The following CNTNAP4 variants were observed in gnomAD, a reference collection of about 807,000 sequenced individuals.
CNTNAP4 encodes contactin-associated protein-like 4.
In CNTNAP4, 98 loss-of-function variants were observed where a neutral mutation model predicts 148.4. The ratio of observed to expected loss-of-function variants is 0.66; its 90% CI spans 0.56 to 0.78. The LOEUF (loss-of-function observed/expected upper bound fraction) is 0.78, where lower values mean the gene tolerates loss of function less well. Among genes scored for constraint, CNTNAP4 ranks in the 30% least tolerant of loss-of-function variants. The pLI is 0.00. For synonymous variants in CNTNAP4, 730 were observed against 565.1 expected, an observed-to-expected ratio of 1.29 and a Z score of -4.14; for missense variants, 1,935 against 1,565.6, an observed-to-expected ratio of 1.24 and a Z score of -3.98.
chr16:76,454,923 A>G (rs6564341), intron 8 of CNTNAP4, among the ~76,000 whole-genome samples: 2,975 of 152,282 alleles, frequency 0.02, 103 homozygotes, highest in African/African-American at 0.068. Flanking sequence ...TCAACATTTT[A>G]ATATATTTTA....
intron 3 of CNTNAP4, among the ~76,000 whole-genome samples, chr16:76,369,938 C>T (rs769232734): frequency 6.6e-6 from 1 of 152,090 alleles, no homozygotes; most frequent in Admixed American, 6.6e-5. Context: ...TTATATCTGC[C>T]TACAATGGTG....
At chr16:76,348,896 T>C (rs1056065756) in intron 2 of CNTNAP4, among the ~76,000 whole-genome samples, 1 of 152,080 alleles carries the variant, frequency 6.6e-6, no homozygotes, top group African/African-American at 2.4e-5. Context: ...AAGTTTTTTT[T>C]CTTTTAAAAT....
intron 18 of CNTNAP4, 47 bp from the exon 19 acceptor site, chr16:76,538,069 C>G (rs753155508): frequency 2.3e-5 from 20 of 866,918 alleles, no homozygotes; most frequent in South Asian, 1.8e-4. Flanking sequence ...AAACAAAATC[C>G]TTGTACTTAA....
At chr16:76,326,742 T>C (rs1159253249) in intron 2 of CNTNAP4, among the ~76,000 whole-genome samples, 3 of 139,024 alleles carry the variant, frequency 2.2e-5, no homozygotes, top group Admixed American at 8.0e-5. Flanking sequence ...AGGTGGGAAT[T>C]GAACAATGAG....
chr16:76,499,865 C>G (rs529124815), intron 15 of CNTNAP4, among the ~76,000 whole-genome samples: 37 of 152,022 alleles, frequency 2.4e-4, no homozygotes, highest in African/African-American at 7.5e-4. Context: ...TCAGAGAGCA[C>G]GGGGTTGGGG....
rs569826902 is a variant in CNTNAP4, at chr16:76,463,728, A to G, written c.1483+1623A>G. ...ACCCATGTGTCTCTCTGCTAAAGAA[A>G]GATGATCAATGCATGTCTGTCCCTT... On this transcript the variant is annotated intron_variant, in intron 9 of 23. Transcript: ENST00000611870. 3.6e-3 allele frequency among the ~76,000 whole-genome samples: 549 copies of G among 152,312 alleles called. 3 individuals are homozygous for G. The highest frequency in any genetic ancestry group is 0.013 in the African/African-American group (520 of 41,574).
At chr16:76,292,285 T>C (rs1392735773) in intron 1 of CNTNAP4, among the ~76,000 whole-genome samples, 1 of 152,210 alleles carries the variant, frequency 6.6e-6, no homozygotes, top group Admixed American at 6.5e-5. Context: ...CTCAAGAATT[T>C]ATGGCACTTA....
chr16:76,539,999 A>T lies in CNTNAP4; in HGVS notation c.3354+147A>T, dbSNP rs145462193. ...ATAATAGACCTCAAATGTAGTCAGGATTCTTTTAAGCAATAAGATTTTGTT... is the reference window on the plus strand; with the variant it reads ...ATAATAGACCTCAAATGTAGTCAGGTTTCTTTTAAGCAATAAGATTTTGTT... On this transcript the variant is annotated intron_variant, in intron 20 of 23. Coordinates refer to ENST00000611870, the MANE Select transcript of CNTNAP4 (RefSeq NM_033401.5). 8.4e-4 allele frequency: 501 copies of T among 598,678 alleles called. 4 individuals carry two copies. The African/African-American group carries it at 8.8e-3, about 11-fold the overall frequency. 37.1% of individuals were successfully genotyped at this position (598,678 alleles called of 1,614,324 possible).
chr16:76,420,476 C>G (rs531087150), intron 3 of CNTNAP4, among the ~76,000 whole-genome samples: 1 of 152,080 alleles, frequency 6.6e-6, no homozygotes, highest in East Asian at 1.9e-4. Flanking sequence ...TAATTCCCCA[C>G]AGATTGGAAA....
chr16:76,408,720 G>A (rs1218637840), intron 3 of CNTNAP4, among the ~76,000 whole-genome samples: 2 of 151,980 alleles, frequency 1.3e-5, no homozygotes, highest in Admixed American at 6.6e-5. Context: ...ATTTTCAATA[G>A]TTAACTGGAA....
chr16:76,469,746 G>T (rs1034064123), intron 10 of CNTNAP4, among the ~76,000 whole-genome samples: 1 of 152,102 alleles, frequency 6.6e-6, no homozygotes, highest in African/African-American at 2.4e-5. Context: ...GAAATAGTTA[G>T]CAAATTATGG....
intron 12 of CNTNAP4, among the ~76,000 whole-genome samples, chr16:76,482,131 A>G (rs534299850): frequency 1.3e-5 from 2 of 152,130 alleles, no homozygotes; most frequent in African/African-American, 2.4e-5. Context: ...GCATGGGTGG[A>G]AAAGAGTGAT....
At position 76,445,330 on chromosome 16, in the gene CNTNAP4, C is replaced by G. The variant is rs540170406; in HGVS notation, c.539-2682C>G. Among the ~76,000 whole-genome samples the G allele has an allele frequency of 1.6e-4, 25 of 152,206 alleles. No homozygotes were observed. The South Asian group carries it at 4.6e-3, about 28-fold the overall frequency. On this transcript the variant is annotated intron_variant, in intron 4 of 23. Transcript: ENST00000611870. ...TTTTATGAACTTAGTTGTTTACTTG[C>G]TAAATATTGTCTGTCTTCACTAAAT...
intron 3 of CNTNAP4, among the ~76,000 whole-genome samples, chr16:76,382,749 A>T (rs918382646): frequency 6.6e-6 from 1 of 152,208 alleles, no homozygotes; most frequent in African/African-American, 2.4e-5. Context: ...GACTGAGGGC[A>T]CTAAATACCA....
intron 15 of CNTNAP4, among the ~76,000 whole-genome samples, chr16:76,499,545 T>C (rs1050870753): frequency 6.6e-6 from 1 of 151,738 alleles, no homozygotes; most frequent in Non-Finnish European, 1.5e-5. Flanking sequence ...AAGTTCTTTT[T>C]TATTTATTTA....
intron 15 of CNTNAP4, among the ~76,000 whole-genome samples, chr16:76,512,485 A>G (rs1162829392): frequency 6.6e-6 from 1 of 152,178 alleles, no homozygotes; most frequent in African/African-American, 2.4e-5. Flanking sequence ...CAAAAATAAC[A>G]CCAAGGTGTT....
At chr16:76,344,835 C>T (rs562905100) in intron 2 of CNTNAP4, among the ~76,000 whole-genome samples, 110 of 152,260 alleles carry the variant, frequency 7.2e-4, no homozygotes, top group Non-Finnish European at 1.3e-3. Flanking sequence ...TTTCTGATTT[C>T]CTAACCTTCT....
intron 3 of CNTNAP4, among the ~76,000 whole-genome samples, chr16:76,362,290 A>G (rs886275088): frequency 2.6e-4 from 39 of 152,338 alleles, no homozygotes; most frequent in African/African-American, 9.4e-4. Flanking sequence ...GTGTTCATGG[A>G]TTAGAAGACT....
rs2084412957 is a variant in CNTNAP4 at position 76,540,692 on chromosome 16, T to C, written c.3355-11T>C. The stretch of plus-strand genomic sequence containing the variant: ...ATTTGGATGTTTTTATCTTGTGTAA[T>C]AATTTTGTAGATTGACGATAATAGA... On this transcript the variant is annotated splice_polypyrimidine_tract_variant and intron_variant, in intron 20 of 23. Coordinates refer to ENST00000611870, the MANE Select transcript of CNTNAP4 (RefSeq NM_033401.5). 2 of 1,544,702 alleles carry C rather than the reference T, an allele frequency of 1.3e-6. No individual in the cohort carries two copies. Among genetic ancestry groups the C allele is most frequent in the Middle Eastern group, 1.7e-4 (1 of 5,958 alleles).
Sources: allele counts gnomAD v4.1 joint callset (sites outside exome capture counted in the v4.1 genomes callset), GRCh38; gene constraint gnomAD v4.1.1; transcripts MANE v1.5; gene names NCBI Gene and HGNC (gene_info 2026-07-23, HGNC 2026-07-21).